TRPC4AP: variants seen among roughly 807,000 people sequenced by gnomAD.
TRPC4AP encodes the protein transient receptor potential cation channel subfamily C member 4 associated protein.
In TRPC4AP, 45 loss-of-function variants were observed where a neutral mutation model predicts 99.0. The ratio of observed to expected loss-of-function variants is 0.45; its 90% confidence interval spans 0.36 to 0.58. The LOEUF is 0.58. Ranked by LOEUF, TRPC4AP falls within the 20% of genes least tolerant of loss-of-function variation. The pLI is 0.00. For missense variants in TRPC4AP, 879 were observed against 985.3 expected (o/e 0.89, Z 1.44); for synonymous variants, 408 against 385.8 (o/e 1.06, Z -0.67).
At chr20:35,018,439 T>C (rs938343409) in intron 9 of TRPC4AP, among the ~76,000 whole-genome samples, 1 of 151,420 alleles carries the variant, frequency 6.6e-6, no homozygotes, top group African/African-American at 2.4e-5. Context: ...CTACTAAAAA[T>C]ACAAAAATTA....
chr20:35,035,406 T>C, intron 7 of TRPC4AP, 98 bp from the exon 8 acceptor site: 1 of 1,250,850 alleles, frequency 8.0e-7, no homozygotes, highest in Non-Finnish European at 1.1e-6. Context: ...GGAATAATTC[T>C]TACTCTGATA....
chr20:35,040,515 A>G (rs2083423415), intron 7 of TRPC4AP, among the ~76,000 whole-genome samples: 1 of 152,180 alleles, frequency 6.6e-6, no homozygotes, highest in Admixed American at 6.5e-5. Flanking sequence ...CTACACCATT[A>G]GCTTTCCTGG....
intron 8 of TRPC4AP, among the ~76,000 whole-genome samples, chr20:35,034,519 G>A (rs964057522): frequency 6.6e-6 from 1 of 152,070 alleles, no homozygotes; most frequent in Non-Finnish European, 1.5e-5. Context: ...TCAATTTGGA[G>A]CTGGAGGGAA....
Position 35,035,138 on chromosome 20 carries a change from A to C in TRPC4AP, c.1036T>G (p.Ser346Ala). 6.2e-7 allele frequency: 1 copy of C among 1,602,300 alleles called. No homozygotes were observed. Among genetic ancestry groups the C allele is most frequent in the Non-Finnish European group, 8.5e-7 (1 of 1,169,746 alleles). The change falls in exon 8 of 19, where the codon TCA becomes GCA. Residue 346 changes from serine to alanine, a missense_variant. By Grantham distance (99) the Ser-to-Ala change is moderately conservative. Around this residue, in one of 3 missense-constraint regions of TRPC4AP, gnomAD observed 603 missense variants for 631.8 expected, o/e 0.95. Coordinates refer to ENST00000252015, the MANE Select transcript of TRPC4AP (RefSeq NM_015638.3). ...CCTTCCATACCTTGATTGTGCTCTG[A>C]CTCCTCATTGGCCACTCGCATCAGG... ...DALMRVANEE[S>A]EHNQASIVFP...
chr20:35,032,022 TG>T (rs1198041787), intron 8 of TRPC4AP, among the ~76,000 whole-genome samples: 1 of 152,108 alleles, frequency 6.6e-6, no homozygotes, highest in Non-Finnish European at 1.5e-5. Context: ...TCCAAGTAGC[TG>T]GGATTCCAGG....
chr20:35,056,439 G>A (rs1413567184), intron 4 of TRPC4AP, among the ~76,000 whole-genome samples: 1 of 151,940 alleles, frequency 6.6e-6, no homozygotes. Flanking sequence ...TGCTATGAGG[G>A]TACATAGAGA....
intron 3 of TRPC4AP, among the ~76,000 whole-genome samples, chr20:35,068,978 C>CACACAAAAAAAA (rs748790693): frequency 1.1e-5 from 1 of 95,212 alleles, no homozygotes; most frequent in African/African-American, 4.0e-5. Flanking sequence ...CACACACACA[C>CACACAAAAAAAA]AAAAAAAACA....
At chr20:35,091,176 C>G (rs2085053872) in intron 1 of TRPC4AP, among the ~76,000 whole-genome samples, 1 of 151,756 alleles carries the variant, frequency 6.6e-6, no homozygotes, top group Admixed American at 6.6e-5. Context: ...TTTTTGGAGA[C>G]ACAGGATTTT....
chr20:35,069,258 A>C (rs895234139), intron 3 of TRPC4AP, 38 bp downstream of exon 3: 4 of 1,137,086 alleles, frequency 3.5e-6, no homozygotes, highest in Non-Finnish European at 5.2e-6. Flanking sequence ...ACCATTAAGC[A>C]GTAGTAACAG....
At chr20:35,038,110 C>T (rs2083363783) in intron 7 of TRPC4AP, among the ~76,000 whole-genome samples, 1 of 149,314 alleles carries the variant, frequency 6.7e-6, no homozygotes, top group Non-Finnish European at 1.5e-5. Context: ...TACGGCGTTT[C>T]CTTTTGGGGT....
At chr20:35,044,119 G>A (rs970344174) in intron 7 of TRPC4AP, among the ~76,000 whole-genome samples, 2 of 152,090 alleles carry the variant, frequency 1.3e-5, no homozygotes, top group African/African-American at 4.8e-5. Context: ...TGCTAGGTGT[G>A]GTGGCTCACA....
In TRPC4AP at chr20:35,005,880, C is replaced by T. The variant is rs1025219110; in HGVS notation, c.1828-77G>A. The T allele has an allele frequency of 6.9e-6, 9 of 1,311,046 alleles. No individual in the cohort carries two copies. In the East Asian group the frequency reaches 9.3e-5, roughly 13 times the overall value. The allele number at this position is 1,311,046 out of a possible 1,614,324, so 81.2% of individuals were successfully genotyped here. A position where few individuals can be genotyped will look rare whatever the true frequency, so the allele number is the denominator to read the frequency against. On this transcript the variant is annotated intron_variant, in intron 15 of 18. Transcript: ENST00000252015. ...CCATGGCCCGGGGGGATAGTCACTACAAGGGGCATCAGCGACCTCTACCAG... is the reference window on the plus strand; with the variant it reads ...CCATGGCCCGGGGGGATAGTCACTATAAGGGGCATCAGCGACCTCTACCAG...
chr20:35,015,406 G>A (rs2147282966), intron 10 of TRPC4AP, among the ~76,000 whole-genome samples: 1 of 151,186 alleles, frequency 6.6e-6, no homozygotes, highest in East Asian at 2.0e-4. Context: ...AGTGAAATGA[G>A]ATCCCTATCA....
In TRPC4AP at chr20:35,013,131, GAC is replaced by G. The variant is rs1235193594; in HGVS notation, c.1351-67_1351-66del. On this transcript the variant is annotated intron_variant, in intron 10 of 18. Coordinates refer to ENST00000252015, the MANE Select transcript of TRPC4AP (RefSeq NM_015638.3). The stretch of plus-strand genomic sequence containing the variant: ...ACAAGGTTCCAAAATAACACAAGCA[GAC>G]ACTCTGGTGGGAGCCTGCTTCTCTA... 4 of 1,512,914 alleles carry G rather than the reference GAC, an allele frequency of 2.6e-6. No homozygotes were observed. In the Admixed American group the frequency reaches 6.7e-5, roughly 25 times the overall value. The allele number at this position is 1,512,914 out of a possible 1,614,324, so 93.7% of individuals were successfully genotyped here. A position where few individuals can be genotyped will look rare whatever the true frequency, so the allele number is the denominator to read the frequency against.
chr20:35,080,534 T>TA (rs71196786), intron 1 of TRPC4AP, among the ~76,000 whole-genome samples: 43,821 of 81,082 alleles, frequency 0.54, 10,193 homozygotes, highest in East Asian at 0.66. Flanking sequence ...AGACTCCATC[T>TA]AAAAAAAAAA....
At chr20:35,071,405 A>G (rs1003927247) in intron 2 of TRPC4AP, among the ~76,000 whole-genome samples, 3 of 150,444 alleles carry the variant, frequency 2.0e-5, no homozygotes, top group Admixed American at 6.6e-5. Flanking sequence ...TATATTAGGT[A>G]TATCTCCTAA....
chr20:35,060,512 G>GATA (rs2083971957), intron 3 of TRPC4AP, among the ~76,000 whole-genome samples: 1 of 146,512 alleles, frequency 6.8e-6, no homozygotes, highest in African/African-American at 2.5e-5. Flanking sequence ...GCTCGCTTGA[G>GATA]CCCAGGAGAG....
At position 35,044,783 on chromosome 20, in the gene TRPC4AP, C is replaced by T. The variant is rs144068930; in HGVS notation, c.658-71G>A. ...AGAGATTGGATGTGCCTCTCTTTCG[C>T]ATCCCCTTACATACGGGGCTTAGTG... is the stretch of plus-strand genomic sequence containing the variant. On this transcript the variant is annotated intron_variant, in intron 6 of 18. Coordinates refer to ENST00000252015, the MANE Select transcript of TRPC4AP (RefSeq NM_015638.3). The T allele has an allele frequency of 5.6e-5, 81 of 1,456,618 alleles. No homozygotes were observed. The African/African-American group carries it at 1.0e-3, about 19-fold the overall frequency. The allele number at this position is 1,456,618 out of a possible 1,614,324, so 90.2% of individuals were successfully genotyped here. A position where few individuals can be genotyped will look rare whatever the true frequency, so the allele number is the denominator to read the frequency against.
chr20:35,050,392 A>AT (rs11478871), intron 5 of TRPC4AP, among the ~76,000 whole-genome samples: 1 of 151,932 alleles, frequency 6.6e-6, no homozygotes, highest in African/African-American at 2.4e-5. Context: ...TTGGAACTCC[A>AT]TTTTTTTCAT....
Sources: allele counts gnomAD v4.1 joint callset (sites outside exome capture counted in the v4.1 genomes callset), GRCh38; gene constraint gnomAD v4.1.1; regional missense constraint gnomAD v4.1.1; transcripts MANE v1.5; gene names NCBI Gene and HGNC (gene_info 2026-07-23, HGNC 2026-07-21).